NECTIN3: variants seen among roughly 807,000 people sequenced by gnomAD.
The protein encoded by NECTIN3 is nectin cell adhesion molecule 3.
Under a neutral mutation model 49.4 loss-of-function variants are expected in NECTIN3, and 8 were observed. The ratio of observed to expected loss-of-function variants is 0.16; its 90% CI spans 0.10 to 0.29. NECTIN3 has a LOEUF of 0.29. NECTIN3 is among the 10% of genes least tolerant of loss of function. The pLI is 1.00. For synonymous variants in NECTIN3, 277 were observed against 241.1 expected, an observed-to-expected ratio of 1.15 and a Z score of -1.38; for missense variants, 581 against 654.6, an observed-to-expected ratio of 0.89 and a Z score of 1.23.
downstream of NECTIN3, among the ~76,000 whole-genome samples, chr3:111,139,291 TATG>T (rs1465422517): frequency 2.0e-5 from 3 of 151,768 alleles, no homozygotes; most frequent in African/African-American, 7.2e-5. Flanking sequence ...GCTTTCCAAA[TATG>T]ATCCATTCAT....
At chr3:111,123,445 T>C (rs964864582) in intron 4 of NECTIN3, among the ~76,000 whole-genome samples, 1 of 152,156 alleles carries the variant, frequency 6.6e-6, no homozygotes, top group African/African-American at 2.4e-5. Context: ...GCAGTGGGGA[T>C]TGCTCATTAG....
intron 1 of NECTIN3, chr3:111,072,405 C>T (rs1345424305): frequency 1.3e-6 from 2 of 1,519,004 alleles, no homozygotes; most frequent in African/African-American, 2.8e-5. Context: ...CGCGGCCGCG[C>T]GGGTCGCCGT....
chr3:111,100,191 T>C (rs2032821721), intron 1 of NECTIN3, among the ~76,000 whole-genome samples: 1 of 152,156 alleles, frequency 6.6e-6, no homozygotes, highest in South Asian at 2.1e-4. Flanking sequence ...TATTAATGAA[T>C]GTTGACATGT....
At chr3:111,190,297 A>T (rs989554556), upstream of NECTIN3, among the ~76,000 whole-genome samples, 2 of 152,188 alleles carry the variant, frequency 1.3e-5, no homozygotes, top group Non-Finnish European at 2.9e-5. Flanking sequence ...CATGTCACAT[A>T]ATTTATAATG....
chr3:111,107,413 C>CAGGAAG (rs1369307969), intron 1 of NECTIN3, among the ~76,000 whole-genome samples: 1 of 152,054 alleles, frequency 6.6e-6, no homozygotes, highest in East Asian at 1.9e-4. Flanking sequence ...ACTTTTAAAT[C>CAGGAAG]AGGAAGACAG....
rs143480907 is a variant in NECTIN3, at chr3:111,111,122, T to C, written c.161-908T>C. Reference sequence around the variant, plus strand: ...TTCATTTATTTTGTTAGAGAACATATGTGAGTTGTAGACCTCCAAGGACTT... The same window carrying C: ...TTCATTTATTTTGTTAGAGAACATACGTGAGTTGTAGACCTCCAAGGACTT... On this transcript the variant is annotated intron_variant, in intron 1 of 5. Coordinates refer to ENST00000485303, the MANE Select transcript of NECTIN3 (RefSeq NM_015480.3). 4.1e-3 allele frequency among the ~76,000 whole-genome samples: 619 copies of C among 152,282 alleles called. 5 individuals carry two copies. The highest frequency in any genetic ancestry group is 0.014 in the African/African-American group (567 of 41,580).
intron 7 of NECTIN3, among the ~76,000 whole-genome samples, chr3:111,169,786 A>T (rs2035400138): frequency 6.6e-6 from 1 of 152,232 alleles, no homozygotes; most frequent in Non-Finnish European, 1.5e-5. Flanking sequence ...ATATTAATGC[A>T]TATGGAAGCA....
intron 1 of NECTIN3, among the ~76,000 whole-genome samples, chr3:111,087,154 A>T (rs1312550151): frequency 6.6e-6 from 1 of 152,094 alleles, no homozygotes; most frequent in Non-Finnish European, 1.5e-5. Context: ...TTTTCCATCT[A>T]TATAAGCATG....
chr3:111,142,015 C>T (rs1233539237), downstream of NECTIN3, among the ~76,000 whole-genome samples: 1 of 151,736 alleles, frequency 6.6e-6, no homozygotes, highest in Non-Finnish European at 1.5e-5. Context: ...GCTAAATTCT[C>T]AATTTTCATC....
downstream of NECTIN3, among the ~76,000 whole-genome samples, chr3:111,140,836 T>G (rs1431450479): frequency 6.6e-6 from 1 of 151,968 alleles, no homozygotes; most frequent in East Asian, 1.9e-4. Context: ...GGAAAACACC[T>G]GATACTTGGA....
chr3:111,131,648 A>G (rs1158339587), intron 5 of NECTIN3, among the ~76,000 whole-genome samples: 2 of 151,920 alleles, frequency 1.3e-5, no homozygotes, highest in Non-Finnish European at 2.9e-5. Flanking sequence ...TCTCAAAGCC[A>G]TATTTTGTTA....
rs1576154018 is a variant in NECTIN3 at position 111,137,375 on chromosome 3, ATTGTGT to A, written c.*3170_*3175del. 1.0e-6 allele frequency: 1 copy of A among 962,654 alleles called. No individual in the cohort carries two copies. The highest frequency in any genetic ancestry group is 1.2e-6 in the Non-Finnish European group (1 of 809,942). 59.6% of individuals were successfully genotyped at this position (962,654 alleles called of 1,614,324 possible). ...AGCTCCTTTCTCAAATTTTTTGTATATTGTGTTTGTGTTTGGGTTTTAGTTTGTACC... is the reference window on the plus strand; with the variant it reads ...AGCTCCTTTCTCAAATTTTTTGTATATTGTGTTTGGGTTTTAGTTTGTACC... On this transcript the variant is annotated 3_prime_UTR_variant, in exon 6 of 6. Coordinates refer to ENST00000485303, the MANE Select transcript of NECTIN3 (RefSeq NM_015480.3).
intron 1 of NECTIN3, among the ~76,000 whole-genome samples, chr3:111,082,555 A>C (rs923260874): frequency 6.6e-6 from 1 of 152,298 alleles, no homozygotes; most frequent in African/African-American, 2.4e-5. Context: ...TAGTAGAGGT[A>C]AGGGCATTCG....
In NECTIN3 at chr3:111,136,857, A is replaced by C. The variant is rs1347091572; in HGVS notation, c.*2642A>C. 2.1e-6 allele frequency: 2 copies of C among 961,572 alleles called. No homozygotes were observed. Among genetic ancestry groups the C allele is most frequent in the Non-Finnish European group, 2.5e-6 (2 of 808,504 alleles). 59.6% of individuals were successfully genotyped at this position (961,572 alleles called of 1,614,324 possible). On this transcript the variant is annotated 3_prime_UTR_variant, in exon 6 of 6. Coordinates refer to ENST00000485303, the MANE Select transcript of NECTIN3 (RefSeq NM_015480.3). ...TTTTTCTGCCATTTTTTATTAAAATACATTGAAACTAAAGTAGGCTCGGGG... is the reference window on the plus strand; with the variant it reads ...TTTTTCTGCCATTTTTTATTAAAATCCATTGAAACTAAAGTAGGCTCGGGG...
intron 5 of NECTIN3, 123 bp from the exon 6 acceptor site, chr3:111,133,512 A>ATC: frequency 7.4e-7 from 1 of 1,355,152 alleles, no homozygotes; most frequent in Non-Finnish European, 9.8e-7. Context: ...TAAGAATGAA[A>ATC]AACTATTGTT....
intron 1 of NECTIN3, among the ~76,000 whole-genome samples, chr3:111,073,931 A>C (rs1180212882): frequency 6.6e-6 from 1 of 152,224 alleles, no homozygotes; most frequent in African/African-American, 2.4e-5. Context: ...AAAAATCTCA[A>C]TGTAGCATTG....
intron 7 of NECTIN3, among the ~76,000 whole-genome samples, chr3:111,155,258 C>A (rs1025026035): frequency 1.3e-5 from 2 of 152,124 alleles, no homozygotes; most frequent in African/African-American, 2.4e-5. Flanking sequence ...TTGAGAAAAT[C>A]TTAATTTTGA....
intron 7 of NECTIN3, among the ~76,000 whole-genome samples, chr3:111,184,694 G>A (rs955108978): frequency 5.9e-5 from 9 of 152,258 alleles, no homozygotes; most frequent in African/African-American, 2.2e-4. Flanking sequence ...ATCATGGTCA[G>A]TACATTTTAA....
At chr3:111,147,249 A>G (rs1022330563) in intron 6 of NECTIN3, among the ~76,000 whole-genome samples, 11 of 152,140 alleles carry the variant, frequency 7.2e-5, no homozygotes, top group African/African-American at 2.2e-4. Context: ...ATTAATGGCA[A>G]TGTAAGAACT....
Sources: gnomAD v4.1 joint callset for allele counts (sites outside exome capture counted in the v4.1 genomes callset) on GRCh38, gnomAD v4.1.1 for gene constraint, MANE v1.5 for transcripts, NCBI Gene and HGNC (gene_info 2026-07-23, HGNC 2026-07-21) for gene names.